The following TNIK variants were observed in gnomAD, a reference collection of about 807,000 sequenced individuals.
The protein encoded by TNIK is TRAF2 and NCK interacting kinase, also known as TRAF2 and NCK-interacting protein kinase.
In TNIK, 49 loss-of-function variants were observed where a neutral mutation model predicts 191.3. That is an observed-to-expected ratio of 0.26 (90% CI 0.20 to 0.32). The LOEUF (loss-of-function observed/expected upper bound fraction) is 0.32, where lower values mean the gene tolerates loss of function less well. Among genes scored for constraint, TNIK ranks in the 10% least tolerant of loss-of-function variants. The probability of loss-of-function intolerance (pLI) is 1.00; values close to 1 mark genes in which losing one functional copy is unlikely to be tolerated. For synonymous variants in TNIK, 594 were observed against 600.9 expected, an observed-to-expected ratio of 0.99 and a Z score of 0.17; for missense variants, 1,155 against 1,702.3, an observed-to-expected ratio of 0.68 and a Z score of 5.66.
rs36069177 is a variant in TNIK, at chr3:171,305,009, TAA to T, written c.123+64609_123+64610del. 4.5e-3 allele frequency among the ~76,000 whole-genome samples: 350 copies of T among 77,238 alleles called. 2 individuals carry two copies. Among genetic ancestry groups the T allele is most frequent in the South Asian group, 0.031 (80 of 2,586 alleles). 50.7% of individuals were successfully genotyped at this position (77,238 alleles called of 152,430 possible). A position where few individuals can be genotyped will look rare whatever the true frequency, so the allele number is the denominator to read the frequency against. On this transcript the variant is annotated intron_variant, in intron 2 of 32. Coordinates refer to ENST00000436636, the MANE Select transcript of TNIK (RefSeq NM_015028.4). ...TGTACCCTAAAACTTAAAGTATAATTAAAAAAAAAAAAAAAAGAAATTGAAAA... is the reference window on the plus strand; with the variant it reads ...TGTACCCTAAAACTTAAAGTATAATTAAAAAAAAAAAAAAGAAATTGAAAA...
At position 171,229,625 on chromosome 3, in the gene TNIK, C is replaced by T. The variant is rs561850287; in HGVS notation, c.124-1404G>A. On this transcript the variant is annotated intron_variant, in intron 2 of 32. Coordinates refer to ENST00000436636, the MANE Select transcript of TNIK (RefSeq NM_015028.4). ...TTCTACTACTTTTCTCCCTTACTAA[C>T]CTAATTTTCCCCACTCCTCTGGCCC... is the stretch of plus-strand genomic sequence containing the variant. Among the ~76,000 whole-genome samples the T allele has an allele frequency of 2.8e-4, 43 of 152,270 alleles. 1 individual carries two copies. In the South Asian group the frequency reaches 8.9e-3, roughly 32 times the overall value.
intron 23 of TNIK, among the ~76,000 whole-genome samples, chr3:171,091,015 C>G (rs1721988841): frequency 6.6e-6 from 1 of 152,150 alleles, no homozygotes; most frequent in Non-Finnish European, 1.5e-5. Flanking sequence ...CAGGGATAAA[C>G]TTTAACCTGC....
intron 2 of TNIK, among the ~76,000 whole-genome samples, chr3:171,284,009 G>A (rs1181511375): frequency 2.6e-5 from 4 of 152,084 alleles, no homozygotes; most frequent in Admixed American, 2.6e-4. Flanking sequence ...AACTTTCTGG[G>A]TTTCACCATT....
At chr3:171,217,041 T>C (rs1741536237) in intron 3 of TNIK, among the ~76,000 whole-genome samples, 1 of 152,044 alleles carries the variant, frequency 6.6e-6, no homozygotes, top group African/African-American at 2.4e-5. Context: ...AGCAAACCCA[T>C]TACTAGGTAT....
chr3:171,392,872 A>C (rs1337241367), intron 1 of TNIK, among the ~76,000 whole-genome samples: 1 of 151,834 alleles, frequency 6.6e-6, no homozygotes, highest in Non-Finnish European at 1.5e-5. Context: ...TCAGTGAGGA[A>C]ATTTTCAACT....
At chr3:171,219,032 A>G (rs1329378822) in intron 3 of TNIK, among the ~76,000 whole-genome samples, 1 of 93,230 alleles carries the variant, frequency 1.1e-5, no homozygotes, top group African/African-American at 4.3e-5. Context: ...TTAGTGTATT[A>G]ATTATATTAA....
intron 21 of TNIK, 99 bp from the exon 22 acceptor site, chr3:171,101,732 A>G (rs1248766029): frequency 1.5e-5 from 18 of 1,239,514 alleles, no homozygotes; most frequent in Non-Finnish European, 1.9e-5. Context: ...AAGAAAAAAA[A>G]AAGCTCTATA....
At chr3:171,207,981 G>A (rs1560263268) in intron 4 of TNIK, among the ~76,000 whole-genome samples, 1 of 152,146 alleles carries the variant, frequency 6.6e-6, no homozygotes, top group Non-Finnish European at 1.5e-5. Context: ...AGCAAGAACA[G>A]CCCGGTGGTA....
intron 23 of TNIK, among the ~76,000 whole-genome samples, chr3:171,088,239 T>TC (rs2108392412): frequency 6.8e-6 from 1 of 146,632 alleles, no homozygotes; most frequent in East Asian, 2.0e-4. Context: ...AGGTTTTTCT[T>TC]TTTTTTTTTT....
chr3:171,082,105 G>C (rs934384969), intron 27 of TNIK, 146 bp downstream of exon 27: 50 of 1,084,820 alleles, frequency 4.6e-5, no homozygotes, highest in Middle Eastern at 3.1e-4. Flanking sequence ...GTTACAAAAT[G>C]TGGGCAATCT....
At chr3:171,413,513 AC>A (rs1250530262) in intron 1 of TNIK, among the ~76,000 whole-genome samples, 1 of 152,060 alleles carries the variant, frequency 6.6e-6, no homozygotes, top group African/African-American at 2.4e-5. Context: ...TCTCAGCATC[AC>A]CCACTGGCTC....
chr3:171,110,559 C>T (rs760323906), intron 19 of TNIK, among the ~76,000 whole-genome samples, 155 bp downstream of exon 19: 2 of 152,176 alleles, frequency 1.3e-5, no homozygotes, highest in African/African-American at 4.8e-5. Context: ...GGCCCACTCC[C>T]GAGGAGACTG....
At chr3:171,333,345 T>G (rs1475907963) in intron 2 of TNIK, among the ~76,000 whole-genome samples, 1 of 151,754 alleles carries the variant, frequency 6.6e-6, no homozygotes, top group East Asian at 1.9e-4. Context: ...CACCTGAGGT[T>G]AGGAGTTCAA....
intron 11 of TNIK, 29 bp downstream of exon 11, chr3:171,161,241 A>G: frequency 1.2e-6 from 2 of 1,604,846 alleles, no homozygotes; most frequent in Non-Finnish European, 1.7e-6. Flanking sequence ...GAATGTGAAC[A>G]TTAGAAGACT....
At chr3:171,240,753 T>G (rs60053101) in intron 2 of TNIK, among the ~76,000 whole-genome samples, 1,904 of 152,280 alleles carry the variant, frequency 0.013, 35 homozygotes, top group African/African-American at 0.044. Context: ...TATCTAAAAC[T>G]TCAACTCCAC....
chr3:171,227,798 T>C (rs1442147224), intron 3 of TNIK, among the ~76,000 whole-genome samples: 1 of 152,006 alleles, frequency 6.6e-6, no homozygotes, highest in African/African-American at 2.4e-5. Flanking sequence ...CAACTTACGA[T>C]TTTTTTTGAC....
At chr3:171,161,690 G>A (rs11917844) in intron 10 of TNIK, among the ~76,000 whole-genome samples, 3,689 of 152,030 alleles carry the variant, frequency 0.024, 75 homozygotes, top group African/African-American at 0.051. Flanking sequence ...AGGCTGAGGC[G>A]GGCGGATCAC....
intron 23 of TNIK, among the ~76,000 whole-genome samples, chr3:171,090,419 C>CT (rs1405567279): frequency 4.1e-5 from 6 of 146,256 alleles, no homozygotes; most frequent in Non-Finnish European, 9.0e-5. Flanking sequence ...TCTTTCTTTT[C>CT]TTTCTTTCTT....
chr3:171,345,647 G>A (rs1182329070), intron 2 of TNIK, among the ~76,000 whole-genome samples: 1 of 152,074 alleles, frequency 6.6e-6, no homozygotes, highest in Non-Finnish European at 1.5e-5. Context: ...ATCAGCATAT[G>A]AGAGAAAAAA....
Sources: gnomAD v4.1 joint callset for allele counts (sites outside exome capture counted in the v4.1 genomes callset) on GRCh38, gnomAD v4.1.1 for gene constraint, MANE v1.5 for transcripts, NCBI Gene and HGNC (gene_info 2026-07-23, HGNC 2026-07-21) for gene names.